The following GPC5 variants were observed in gnomAD, a reference collection of about 807,000 sequenced individuals.
The protein encoded by GPC5 is glypican-5.
A neutral mutation model predicts 53.9 loss-of-function variants in GPC5; 47 were observed. The observed-to-expected ratio is 0.87, with a 90% confidence interval of 0.69 to 1.11. The LOEUF is 1.11. Among genes scored for constraint, GPC5 ranks in the 50% most tolerant of loss-of-function variants. The pLI is 0.00. For missense variants in GPC5, 748 were observed against 713.1 expected (o/e 1.05, Z -0.56); for synonymous variants, 286 against 263.3 (o/e 1.09, Z -0.84).
intron 2 of GPC5, among the ~76,000 whole-genome samples, chr13:91,634,521 T>C (rs946940227): frequency 4.1e-4 from 63 of 151,978 alleles, no homozygotes; most frequent in African/African-American, 1.4e-3. Flanking sequence ...GTCTCATAAG[T>C]CTCATAAATC....
intron 5 of GPC5, among the ~76,000 whole-genome samples, chr13:91,832,425 A>T (rs555946816): frequency 6.7e-6 from 1 of 149,750 alleles, no homozygotes; most frequent in African/African-American, 2.5e-5. Context: ...ATGGGTCTTG[A>T]CTATCCAATT....
chr13:91,769,338 C>T (rs1478418828), intron 5 of GPC5, among the ~76,000 whole-genome samples: 1 of 152,154 alleles, frequency 6.6e-6, no homozygotes, highest in Non-Finnish European at 1.5e-5. Context: ...GTGTAGACTG[C>T]TACTTGACCA....
intron 6 of GPC5, among the ~76,000 whole-genome samples, chr13:91,942,373 A>T (rs1010801308): frequency 2.6e-5 from 4 of 152,068 alleles, no homozygotes; most frequent in South Asian, 2.1e-4. Context: ...CATACAGTCC[A>T]TCAAGTCTCT....
chr13:92,183,834 G>T (rs1326943390), intron 7 of GPC5, among the ~76,000 whole-genome samples: 2 of 151,914 alleles, frequency 1.3e-5, no homozygotes, highest in Non-Finnish European at 2.9e-5. Context: ...TAGTCAATAA[G>T]ATTGTCATCT....
At chr13:91,630,406 T>C (rs2034126390) in intron 2 of GPC5, among the ~76,000 whole-genome samples, 1 of 152,172 alleles carries the variant, frequency 6.6e-6, no homozygotes, top group African/African-American at 2.4e-5. Flanking sequence ...GTCTTATTTT[T>C]CCCTCCCCAT....
At chr13:92,328,763 T>C (rs781593539) in intron 7 of GPC5, among the ~76,000 whole-genome samples, 2 of 152,188 alleles carry the variant, frequency 1.3e-5, no homozygotes. Context: ...CTTTAGGTTC[T>C]GCACCTGTAC....
chr13:92,238,208 G>A (rs553753437), intron 7 of GPC5, among the ~76,000 whole-genome samples: 1 of 151,878 alleles, frequency 6.6e-6, no homozygotes, highest in South Asian at 2.1e-4. Flanking sequence ...CATGTGATAA[G>A]GTTATGTTTA....
chr13:92,074,010 C>A (rs2041233722), intron 6 of GPC5, among the ~76,000 whole-genome samples: 1 of 152,152 alleles, frequency 6.6e-6, no homozygotes, highest in Non-Finnish European at 1.5e-5. Flanking sequence ...TTTGCTTCCC[C>A]TTCTGTTCCC....
chr13:91,764,568 G>T (rs1188919148), intron 5 of GPC5, among the ~76,000 whole-genome samples: 1 of 152,174 alleles, frequency 6.6e-6, no homozygotes, highest in Non-Finnish European at 1.5e-5. Flanking sequence ...CATAAACCGT[G>T]TAAATTCAGT....
chr13:92,193,340 T>G (rs1370087747), intron 7 of GPC5, among the ~76,000 whole-genome samples: 1 of 152,154 alleles, frequency 6.6e-6, no homozygotes, highest in Non-Finnish European at 1.5e-5. Context: ...TGGAATCAAA[T>G]AGCATACATA....
chr13:92,715,111 C>G (rs1054424980), intron 7 of GPC5, among the ~76,000 whole-genome samples: 1 of 152,088 alleles, frequency 6.6e-6, no homozygotes. Context: ...TTTATTTATT[C>G]CATGGTTGAG....
At chr13:92,831,902 G>A (rs1038450291) in intron 7 of GPC5, among the ~76,000 whole-genome samples, 1 of 152,238 alleles carries the variant, frequency 6.6e-6, no homozygotes, top group Middle Eastern at 3.4e-3. Context: ...TTTGAGACCT[G>A]AGCAGAAAAG....
intron 4 of GPC5, among the ~76,000 whole-genome samples, chr13:91,741,642 C>A (rs2036936673): frequency 6.6e-6 from 1 of 152,058 alleles, no homozygotes; most frequent in South Asian, 2.1e-4. Context: ...AAACATAGAG[C>A]TTATAGTTAC....
chr13:92,366,846 T>G (rs1419138462), intron 7 of GPC5, among the ~76,000 whole-genome samples: 2 of 152,244 alleles, frequency 1.3e-5, no homozygotes, highest in African/African-American at 4.8e-5. Context: ...ACTTCAAGAC[T>G]AGTGCACATA....
intron 7 of GPC5, among the ~76,000 whole-genome samples, chr13:92,260,364 T>A (rs1324834247): frequency 6.6e-6 from 1 of 152,188 alleles, no homozygotes; most frequent in East Asian, 1.9e-4. Context: ...GCATCTCTCA[T>A]CTTCATTCCT....
At chr13:91,723,858 A>T (rs928650423) in intron 3 of GPC5, among the ~76,000 whole-genome samples, 1 of 152,136 alleles carries the variant, frequency 6.6e-6, no homozygotes, top group Non-Finnish European at 1.5e-5. Context: ...ATCCAAATCT[A>T]ATGTATCTGG....
chr13:91,833,168 C>G lies in GPC5; in HGVS notation c.1281-74769C>G, dbSNP rs2038683045. On this transcript the variant is annotated intron_variant, in intron 5 of 7. Coordinates refer to ENST00000377067, the MANE Select transcript of GPC5 (RefSeq NM_004466.6). Reference sequence around the variant, plus strand: ...GAAGAAATGGATAAATTCCTGGACACATACACCCTCCCAAGACTAAACCAG... The same window carrying G: ...GAAGAAATGGATAAATTCCTGGACAGATACACCCTCCCAAGACTAAACCAG... 3.3e-5 allele frequency among the ~76,000 whole-genome samples: 5 copies of G among 152,254 alleles called. No individual in the cohort carries two copies. In the South Asian group the frequency reaches 8.3e-4, roughly 25 times the overall value.
At chr13:91,506,683 A>T (rs1884960678) in intron 2 of GPC5, among the ~76,000 whole-genome samples, 1 of 152,006 alleles carries the variant, frequency 6.6e-6, no homozygotes. Context: ...GACTTAAATG[A>T]CATAGAAAAA....
rs182982139 is a variant in GPC5, at chr13:91,963,908, C to A, written c.1401+55851C>A. Among the ~76,000 whole-genome samples the A allele has an allele frequency of 1.5e-3, 231 of 152,260 alleles. 1 individual carries two copies. In the Middle Eastern group the frequency reaches 0.051, roughly 34 times the overall value. On this transcript the variant is annotated intron_variant, in intron 6 of 7. Coordinates refer to ENST00000377067, the MANE Select transcript of GPC5 (RefSeq NM_004466.6). The stretch of plus-strand genomic sequence containing the variant: ...TGATAAACAAGTTAATGCTTTTACA[C>A]TGTTGGTGGGACTGTAAACTAGTTC...
Sources: allele counts gnomAD v4.1 joint callset (sites outside exome capture counted in the v4.1 genomes callset), GRCh38; gene constraint gnomAD v4.1.1; transcripts MANE v1.5; gene names NCBI Gene and HGNC (gene_info 2026-07-23, HGNC 2026-07-21).